Variants in FARS2 observed in about 807,000 individuals in gnomAD.
FARS2 encodes phenylalanyl-tRNA synthetase 2, mitochondrial, also known as phenylalanine--tRNA ligase, mitochondrial.
A neutral mutation model predicts 46.4 loss-of-function variants in FARS2; 40 were observed. That is an observed-to-expected ratio of 0.86 (90% confidence interval 0.67 to 1.12). The LOEUF is 1.12. Among genes scored for constraint, FARS2 ranks in the 50% most tolerant of loss-of-function variants. The probability of loss-of-function intolerance (pLI) is 0.00; values close to 1 mark genes in which losing one functional copy is unlikely to be tolerated. For missense variants in FARS2, 513 were observed against 567.9 expected (o/e 0.90, Z 0.98); for synonymous variants, 234 against 214.9 (o/e 1.09, Z -0.78).
chr6:5,671,175 T>A (rs1778436331), intron 6 of FARS2, among the ~76,000 whole-genome samples: 1 of 152,240 alleles, frequency 6.6e-6, no homozygotes, highest in Non-Finnish European at 1.5e-5. Context: ...TTATTATAGT[T>A]AAATTTAACT....
intron 1 of FARS2, among the ~76,000 whole-genome samples, chr6:5,322,107 C>G (rs1770020684): frequency 6.6e-6 from 1 of 152,178 alleles, no homozygotes; most frequent in Non-Finnish European, 1.5e-5. Context: ...CAAAAACAAA[C>G]ACGTGTTTAC....
At chr6:5,403,389 A>C (rs1369458673) in intron 2 of FARS2, among the ~76,000 whole-genome samples, 2 of 152,188 alleles carry the variant, frequency 1.3e-5, no homozygotes, top group Non-Finnish European at 2.9e-5. Flanking sequence ...TCCACAGCAA[A>C]GCTTTCCCTT....
In FARS2 at chr6:5,630,729, C is replaced by T. The variant is rs143241105; in HGVS notation, c.1217+17409C>T. On this transcript the variant is annotated intron_variant, in intron 6 of 6. Transcript: ENST00000274680. This position sits in a 1 kb window ranked among gnomAD's most constrained non-coding sequence, Gnocchi z 4.2. ...CTCTGAGAAGGGAGAATTACACAGACGTGATGATTGGCTATCAGAGTTCCC... is the reference window on the plus strand; with the variant it reads ...CTCTGAGAAGGGAGAATTACACAGATGTGATGATTGGCTATCAGAGTTCCC... Among the ~76,000 whole-genome samples, 6 of 152,306 alleles carry T rather than the reference C, an allele frequency of 3.9e-5. No individual in the cohort carries two copies. The highest frequency in any genetic ancestry group is 7.2e-5 in the African/African-American group (3 of 41,556).
chr6:5,343,558 A>G lies in FARS2; in HGVS notation c.-21-24992A>G, dbSNP rs2127595360. Among the ~76,000 whole-genome samples, 1 of 152,318 alleles carries G rather than the reference A, an allele frequency of 6.6e-6. No homozygotes were observed. The highest frequency in any genetic ancestry group is 1.5e-5 in the Non-Finnish European group (1 of 68,022). On this transcript the variant is annotated intron_variant, in intron 1 of 6. Transcript: ENST00000274680. The surrounding 1 kb of genome is among the most constrained non-coding windows in gnomAD (Gnocchi z 4.5). ...GTGTTTTAAAAGTGTGCATTCCATA[A>G]CAGTTGGATATAAAAATATACATTT...
At chr6:5,544,555 GAC>G (rs1216234911) in intron 4 of FARS2, among the ~76,000 whole-genome samples, 1 of 152,170 alleles carries the variant, frequency 6.6e-6, no homozygotes, top group Non-Finnish European at 1.5e-5. Flanking sequence ...TTATGGCACT[GAC>G]ACAATCTGAG....
At chr6:5,555,198 A>G (rs1290467212) in intron 5 of FARS2, among the ~76,000 whole-genome samples, 1 of 152,082 alleles carries the variant, frequency 6.6e-6, no homozygotes, top group Admixed American at 6.5e-5. Flanking sequence ...TCACCACCAC[A>G]TAAGAAGTGC....
At chr6:5,749,807 G>C (rs1264736448) in intron 6 of FARS2, among the ~76,000 whole-genome samples, 1 of 152,200 alleles carries the variant, frequency 6.6e-6, no homozygotes. Context: ...TTGTCACTAG[G>C]GAAGGCATGC....
chr6:5,383,338 G>A (rs556072972), intron 2 of FARS2, among the ~76,000 whole-genome samples: 48 of 152,356 alleles, frequency 3.2e-4, no homozygotes, highest in African/African-American at 1.1e-3. Flanking sequence ...TAAAGGACTG[G>A]AACTTTTGGC....
intron 4 of FARS2, among the ~76,000 whole-genome samples, chr6:5,516,049 C>T (rs1299116493): frequency 6.6e-6 from 1 of 152,150 alleles, no homozygotes; most frequent in Non-Finnish European, 1.5e-5. Flanking sequence ...ATGTCTTGTT[C>T]TTGCAAATGC....
intron 5 of FARS2, among the ~76,000 whole-genome samples, chr6:5,604,740 T>C (rs1774734128): frequency 6.6e-6 from 1 of 151,968 alleles, no homozygotes; most frequent in African/African-American, 2.4e-5. Flanking sequence ...TATATGTACA[T>C]ACATGTATAT....
chr6:5,381,370 A>AATAC (rs368344271), intron 2 of FARS2, among the ~76,000 whole-genome samples: 3,373 of 132,914 alleles, frequency 0.025, 76 homozygotes, highest in South Asian at 0.051. Flanking sequence ...ACTCCCCAGA[A>AATAC]ACACACACAC....
chr6:5,695,938 T>C (rs1170315354), intron 6 of FARS2, among the ~76,000 whole-genome samples: 2 of 152,224 alleles, frequency 1.3e-5, no homozygotes, highest in Non-Finnish European at 2.9e-5. Flanking sequence ...GCACGAGACA[T>C]ACAGACTGCT....
At chr6:5,410,690 G>T (rs1232807938) in intron 3 of FARS2, among the ~76,000 whole-genome samples, 1 of 152,188 alleles carries the variant, frequency 6.6e-6, no homozygotes, top group African/African-American at 2.4e-5. Flanking sequence ...CCTGTGCTAA[G>T]CACGTTGACA....
At chr6:5,419,828 C>T (rs192140535) in intron 3 of FARS2, among the ~76,000 whole-genome samples, 14 of 152,302 alleles carry the variant, frequency 9.2e-5, no homozygotes, top group African/African-American at 2.9e-4. Context: ...CCACAGTGTG[C>T]CATCCTGCAG....
intron 6 of FARS2, among the ~76,000 whole-genome samples, chr6:5,721,198 A>G (rs756859478): frequency 5.3e-5 from 8 of 152,232 alleles, no homozygotes; most frequent in African/African-American, 1.2e-4. Context: ...AAAGAATGAC[A>G]TTGATTTATA....
At chr6:5,410,702 G>T (rs990369459) in intron 3 of FARS2, among the ~76,000 whole-genome samples, 8 of 152,290 alleles carry the variant, frequency 5.3e-5, no homozygotes, top group Admixed American at 2.6e-4. Context: ...ACGTTGACAA[G>T]GAGTTTTTTC....
At chr6:5,553,019 T>C (rs937033081) in intron 5 of FARS2, among the ~76,000 whole-genome samples, 2 of 152,226 alleles carry the variant, frequency 1.3e-5, no homozygotes, top group South Asian at 4.1e-4. Flanking sequence ...GCGATACTTA[T>C]TGAAAATTAC....
At chr6:5,709,438 C>G (rs985398759) in intron 6 of FARS2, among the ~76,000 whole-genome samples, 1 of 152,098 alleles carries the variant, frequency 6.6e-6, no homozygotes, top group African/African-American at 2.4e-5. Context: ...GGTAAATCTG[C>G]CAGTTGGAGG....
intron 6 of FARS2, among the ~76,000 whole-genome samples, chr6:5,623,389 C>T (rs888646577): frequency 6.6e-6 from 1 of 152,026 alleles, no homozygotes; most frequent in African/African-American, 2.4e-5. Context: ...CATGTTATTC[C>T]TGCAATTTAA....
Sources: allele counts gnomAD v4.1 joint callset (sites outside exome capture counted in the v4.1 genomes callset), GRCh38; gene constraint gnomAD v4.1.1; non-coding constraint Gnocchi (gnomAD v3.1); transcripts MANE v1.5; gene names NCBI Gene and HGNC (gene_info 2026-07-23, HGNC 2026-07-21).